GPHN: variants seen among roughly 807,000 people sequenced by gnomAD.
The protein encoded by GPHN is gephyrin.
Under a neutral mutation model 95.5 loss-of-function variants are expected in GPHN, and 17 were observed. The ratio of observed to expected loss-of-function variants is 0.18; its 90% CI spans 0.12 to 0.27. The LOEUF (loss-of-function observed/expected upper bound fraction) is 0.27. GPHN is among the 10% of genes least tolerant of loss of function. GPHN has a pLI of 1.00. For missense variants in GPHN, 660 were observed against 978.1 expected, an observed-to-expected ratio of 0.67 and a Z score of 4.34; for synonymous variants, 320 against 322.5, an observed-to-expected ratio of 0.99 and a Z score of 0.08.
At chr14:66,743,973 A>G (rs927495819) in intron 2 of GPHN, among the ~76,000 whole-genome samples, 2 of 152,140 alleles carry the variant, frequency 1.3e-5, no homozygotes, top group Non-Finnish European at 1.5e-5. Flanking sequence ...TTACCCTCAG[A>G]ATTAAACCTG....
intron 17 of GPHN, among the ~76,000 whole-genome samples, chr14:67,125,135 G>T (rs2079221650): frequency 6.6e-6 from 1 of 151,804 alleles, no homozygotes; most frequent in Non-Finnish European, 1.5e-5. Flanking sequence ...AAAAAAAAAA[G>T]AAATTGATGC....
At chr14:67,085,121 AC>A in intron 11 of GPHN, among the ~76,000 whole-genome samples, 1 of 152,342 alleles carries the variant, frequency 6.6e-6, no homozygotes, top group African/African-American at 2.4e-5. Context: ...CTCCTCAGAA[AC>A]TTGAGGGTTA....
chr14:66,688,125 C>G (rs1164315540), intron 2 of GPHN, among the ~76,000 whole-genome samples: 3 of 151,832 alleles, frequency 2.0e-5, no homozygotes, highest in Admixed American at 2.0e-4. Flanking sequence ...ATAAAGTAAA[C>G]TAGAGAAAAG....
At chr14:67,612,658 T>G in the GPHN span, among the ~76,000 whole-genome samples, 2 of 152,136 alleles carry the variant, frequency 1.3e-5, no homozygotes, top group African/African-American at 4.8e-5. Context: ...GAAAATAGGC[T>G]GGGTGCGGTA....
At chr14:66,800,480 C>A (rs1162916460) in intron 3 of GPHN, among the ~76,000 whole-genome samples, 1 of 152,084 alleles carries the variant, frequency 6.6e-6, no homozygotes, top group Non-Finnish European at 1.5e-5. Flanking sequence ...CTTCTTTCAG[C>A]ACTATAAATA....
At chr14:66,795,103 G>A (rs10149760) in intron 3 of GPHN, among the ~76,000 whole-genome samples, 38,325 of 152,048 alleles carry the variant, frequency 0.25, 9,729 homozygotes, top group African/African-American at 0.62. Flanking sequence ...AAAATAAATA[G>A]ATAGACAGAT....
the GPHN span, chr14:67,320,370 A>G: frequency 6.2e-7 from 1 of 1,609,218 alleles, no homozygotes; most frequent in Non-Finnish European, 8.5e-7. Flanking sequence ...GAACAAAGAA[A>G]AGGACCGCTT....
At chr14:67,178,525 G>A (rs1232072680) in intron 21 of GPHN, among the ~76,000 whole-genome samples, 1 of 152,140 alleles carries the variant, frequency 6.6e-6, no homozygotes, top group Non-Finnish European at 1.5e-5. Flanking sequence ...TGGTGAATCT[G>A]ACGATTATGT....
At chr14:66,774,291 C>A (rs549911236) in intron 2 of GPHN, among the ~76,000 whole-genome samples, 1 of 152,076 alleles carries the variant, frequency 6.6e-6, no homozygotes, top group African/African-American at 2.4e-5. Context: ...CATGAGCCAC[C>A]GCGCCCGGCC....
chr14:67,545,988 G>A, the GPHN span, among the ~76,000 whole-genome samples: 6 of 152,012 alleles, frequency 3.9e-5, no homozygotes, highest in Non-Finnish European at 8.8e-5. Flanking sequence ...GATTACAACA[G>A]TTAGAACCAT....
At chr14:66,783,697 C>T (rs1595890043) in intron 3 of GPHN, among the ~76,000 whole-genome samples, 1 of 152,156 alleles carries the variant, frequency 6.6e-6, no homozygotes, top group Non-Finnish European at 1.5e-5. Flanking sequence ...AGCATGCGCC[C>T]CTACTTGGTA....
chr14:66,683,148 T>C (rs1299475501), intron 2 of GPHN, among the ~76,000 whole-genome samples: 2 of 151,506 alleles, frequency 1.3e-5, no homozygotes, highest in Non-Finnish European at 2.9e-5. Flanking sequence ...TAGTCTAGTA[T>C]GTAAGAATGT....
chr14:67,225,954 TGTGTGTGTGCGC>T, the GPHN span, among the ~76,000 whole-genome samples: 4 of 138,094 alleles, frequency 2.9e-5, no homozygotes, highest in African/African-American at 1.2e-4. Flanking sequence ...TGTGTGTGTG[TGTGTGTGTGCGC>T]GCGCGCGCGT....
the GPHN span, chr14:67,587,544 T>C: frequency 2.5e-6 from 1 of 393,958 alleles, no homozygotes. Context: ...GCATCAGTGC[T>C]ATAAGTTAAG....
chr14:67,049,662 G>A (rs546343200), intron 10 of GPHN, among the ~76,000 whole-genome samples: 7 of 151,846 alleles, frequency 4.6e-5, no homozygotes, highest in East Asian at 1.9e-4. Flanking sequence ...ACAGGCATGC[G>A]CCACCACGAC....
At chr14:67,302,570 T>C in the GPHN span, 1 of 1,493,198 alleles carries the variant, frequency 6.7e-7, no homozygotes, top group East Asian at 2.5e-5. Context: ...TTTGACTTGT[T>C]GGTAAGTTGA....
At chr14:67,369,302 A>G in the GPHN span, among the ~76,000 whole-genome samples, 17 of 152,378 alleles carry the variant, frequency 1.1e-4, no homozygotes, top group African/African-American at 3.4e-4. Context: ...TAAAGGGTCA[A>G]TTTGTTAGAA....
the GPHN span, chr14:67,360,511 G>A: frequency 4.2e-5 from 13 of 309,556 alleles, no homozygotes; most frequent in Non-Finnish European, 6.5e-5. Flanking sequence ...TGTGTCCAGT[G>A]ACATGGGTGT....
At chr14:67,469,670 G>C in the GPHN span, among the ~76,000 whole-genome samples, 1 of 151,724 alleles carries the variant, frequency 6.6e-6, no homozygotes, top group Non-Finnish European at 1.5e-5. Flanking sequence ...GGTGGTGGTG[G>C]TGGGAGGACA....
Sources: allele counts gnomAD v4.1 joint callset (sites outside exome capture counted in the v4.1 genomes callset), GRCh38; gene constraint gnomAD v4.1.1; transcripts MANE v1.5; gene names NCBI Gene and HGNC (gene_info 2026-07-23, HGNC 2026-07-21).